Variants in LARGE1 observed in about 807,000 individuals in gnomAD.
LARGE1 encodes the protein LARGE xylosyl- and glucuronyltransferase 1, also known as xylosyl- and glucuronyltransferase LARGE1.
In LARGE1, 43 loss-of-function variants were observed where a neutral mutation model predicts 87.6. The ratio of observed to expected loss-of-function variants is 0.49; its 90% CI spans 0.38 to 0.63. The LOEUF (loss-of-function observed/expected upper bound fraction) is 0.63. Among genes scored for constraint, LARGE1 ranks in the 30% least tolerant of loss-of-function variants. The pLI, the probability that LARGE1 is intolerant of heterozygous loss-of-function variation, is 0.00. For missense variants in LARGE1, 802 were observed against 1,000.2 expected, an observed-to-expected ratio of 0.80 and a Z score of 2.67; for synonymous variants, 434 against 394.6, an observed-to-expected ratio of 1.10 and a Z score of -1.18.
intron 2 of LARGE1, among the ~76,000 whole-genome samples, chr22:33,666,133 A>T (rs2081261090): frequency 6.6e-6 from 1 of 152,236 alleles, no homozygotes; most frequent in Non-Finnish European, 1.5e-5. Flanking sequence ...AGGAAAGAGA[A>T]GCAGCAGCCT....
chr22:33,878,125 A>ATTTCTTTTTTTTTTTT (rs2064531299), intron 1 of LARGE1, among the ~76,000 whole-genome samples: 1 of 51,234 alleles, frequency 2.0e-5, no homozygotes, highest in African/African-American at 7.1e-5. Flanking sequence ...TTTATATTGT[A>ATTTCTTTTTTTTTTTT]TTTCTTTTTT....
At chr22:33,407,669 C>A (rs1417636261) in intron 7 of LARGE1, among the ~76,000 whole-genome samples, 1 of 102,880 alleles carries the variant, frequency 9.7e-6, no homozygotes, top group African/African-American at 4.0e-5. Context: ...ATGTGGAAAG[C>A]TAACTGGTGC....
At chr22:33,383,547 G>A (rs1047892337) in intron 8 of LARGE1, among the ~76,000 whole-genome samples, 4 of 152,128 alleles carry the variant, frequency 2.6e-5, no homozygotes, top group Non-Finnish European at 5.9e-5. Context: ...GTGACAGAGC[G>A]AGACTCCACC....
intron 3 of LARGE1, among the ~76,000 whole-genome samples, chr22:33,639,325 C>A (rs1265998914): frequency 3.3e-5 from 5 of 152,260 alleles, no homozygotes; most frequent in African/African-American, 1.2e-4. Flanking sequence ...GTATGAGGGA[C>A]CCCATACCAG....
At chr22:33,532,993 G>C (rs984022747) in intron 6 of LARGE1, among the ~76,000 whole-genome samples, 1 of 152,162 alleles carries the variant, frequency 6.6e-6, no homozygotes, top group African/African-American at 2.4e-5. Flanking sequence ...TGATTTCATG[G>C]TCTTTCAGTG....
chr22:33,283,504 G>A (rs1046777581), intron 12 of LARGE1, among the ~76,000 whole-genome samples, 156 bp from the exon 13 acceptor site: 19 of 152,178 alleles, frequency 1.2e-4, no homozygotes, highest in Admixed American at 6.5e-4. Flanking sequence ...GGCCAGGTGC[G>A]ATGGCTCACG....
chr22:33,733,221 G>A (rs554170152), intron 2 of LARGE1: 2 of 152,312 alleles, frequency 1.3e-5, no homozygotes, highest in Admixed American at 1.3e-4. Context: ...CTGAATGAAG[G>A]AATCAATAAA....
intron 11 of LARGE1, among the ~76,000 whole-genome samples, chr22:33,241,595 T>C (rs1242268189): frequency 6.6e-6 from 1 of 152,002 alleles, no homozygotes; most frequent in Non-Finnish European, 1.5e-5. Context: ...TGTGTGTATA[T>C]ATGTACATAT....
chr22:33,695,827 C>A (rs999667989), intron 2 of LARGE1, among the ~76,000 whole-genome samples: 3 of 152,184 alleles, frequency 2.0e-5, no homozygotes, highest in Non-Finnish European at 4.4e-5. Context: ...AAACACTTTT[C>A]AAGATGCAGA....
rs193152330 is a variant in LARGE1 at position 33,549,089 on chromosome 22, T to C, written c.787+15759A>G. ...CACCAGGACCTACTCTGGTTGACAG[T>C]GTTCCTTTAAAAGGCCCCTCCATTC... On this transcript the variant is annotated intron_variant, in intron 6 of 14. Transcript: ENST00000397394. Among the ~76,000 whole-genome samples the C allele has an allele frequency of 2.8e-4, 42 of 152,326 alleles. No individual in the cohort carries two copies. The East Asian group carries it at 7.9e-3, about 29-fold the overall frequency.
the LARGE1 span, among the ~76,000 whole-genome samples, chr22:33,118,424 C>T: frequency 6.7e-6 from 1 of 148,246 alleles, no homozygotes; most frequent in Non-Finnish European, 1.5e-5. Flanking sequence ...CCTGGGAGGT[C>T]AAGGCTGCAG....
At chr22:33,879,494 C>T (rs2064599131) in intron 1 of LARGE1, among the ~76,000 whole-genome samples, 1 of 152,172 alleles carries the variant, frequency 6.6e-6, no homozygotes, top group Non-Finnish European at 1.5e-5. Context: ...GACTTCAAAC[C>T]CAGTCTATAT....
At chr22:33,741,756 T>C (rs906496337) in intron 2 of LARGE1, among the ~76,000 whole-genome samples, 1 of 152,212 alleles carries the variant, frequency 6.6e-6, no homozygotes, top group African/African-American at 2.4e-5. Flanking sequence ...GCGCCTGGAA[T>C]GGCAGCGGGA....
intron 9 of LARGE1, among the ~76,000 whole-genome samples, chr22:33,343,822 G>T (rs1369699012): frequency 6.6e-6 from 1 of 152,112 alleles, no homozygotes; most frequent in Non-Finnish European, 1.5e-5. Context: ...ATTAGTCAGG[G>T]TTCTCTAGAG....
chr22:33,708,869 G>C (rs1273331115), intron 2 of LARGE1, among the ~76,000 whole-genome samples: 2 of 152,110 alleles, frequency 1.3e-5, no homozygotes, highest in African/African-American at 4.8e-5. Context: ...AAAGTGCTGG[G>C]ATTACAGGCG....
the LARGE1 span, chr22:33,109,079 G>T: frequency 6.6e-6 from 1 of 152,098 alleles, no homozygotes; most frequent in Admixed American, 6.6e-5. Flanking sequence ...AATGAAGGTT[G>T]CCTTTTATTG....
At chr22:33,819,002 T>C (rs2086739585) in intron 1 of LARGE1, among the ~76,000 whole-genome samples, 1 of 152,198 alleles carries the variant, frequency 6.6e-6, no homozygotes, top group Non-Finnish European at 1.5e-5. Context: ...GGGTGCCTAA[T>C]TACTTGGGCA....
At chr22:33,497,549 G>C (rs918494510) in intron 6 of LARGE1, among the ~76,000 whole-genome samples, 25 of 152,178 alleles carry the variant, frequency 1.6e-4, no homozygotes, top group African/African-American at 6.0e-4. Context: ...TTGTGCTTCA[G>C]TAGAGATCAT....
At chr22:33,211,601 G>A (rs923615048) in intron 11 of LARGE1, among the ~76,000 whole-genome samples, 4 of 151,348 alleles carry the variant, frequency 2.6e-5, no homozygotes, top group Non-Finnish European at 4.4e-5. Context: ...CTGAAATCCC[G>A]TCTCTACTAA....
Sources: allele counts gnomAD v4.1 joint callset (sites outside exome capture counted in the v4.1 genomes callset), GRCh38; gene constraint gnomAD v4.1.1; transcripts MANE v1.5; gene names NCBI Gene and HGNC (gene_info 2026-07-23, HGNC 2026-07-21).